CDH18: variants seen among roughly 807,000 people sequenced by gnomAD.
The protein encoded by CDH18 is cadherin 18, also known as cadherin-18.
In CDH18, 31 loss-of-function variants were observed where a neutral mutation model predicts 67.9. That is an observed-to-expected ratio of 0.46 (90% CI 0.34 to 0.62). The LOEUF is 0.62. CDH18 is among the 20% of genes least tolerant of loss of function. CDH18 has a pLI of 0.01. For synonymous variants in CDH18, 362 were observed against 347.2 expected (o/e 1.04, Z -0.48); for missense variants, 890 against 975.5 (o/e 0.91, Z 1.17).
At chr5:19,884,384 A>G (rs1267789177) in intron 2 of CDH18, among the ~76,000 whole-genome samples, 2 of 152,146 alleles carry the variant, frequency 1.3e-5, no homozygotes, top group Non-Finnish European at 2.9e-5. Flanking sequence ...AATTAGAAAT[A>G]TAGAAAAGTT....
intron 2 of CDH18, among the ~76,000 whole-genome samples, chr5:20,028,103 A>AT (rs560141098): frequency 0.013 from 1,851 of 144,326 alleles, 32 homozygotes; most frequent in African/African-American, 0.036. Flanking sequence ...ACAACTTTCT[A>AT]TTTTTTTTTT....
chr5:20,245,264 T>G (rs1187907615), intron 2 of CDH18, among the ~76,000 whole-genome samples: 2 of 152,274 alleles, frequency 1.3e-5, no homozygotes, highest in Non-Finnish European at 2.9e-5. Context: ...CATTCCAGTT[T>G]GAAGCGAGTG....
intron 6 of CDH18, among the ~76,000 whole-genome samples, chr5:19,607,645 T>A (rs1748272148): frequency 6.6e-6 from 1 of 151,318 alleles, no homozygotes; most frequent in Non-Finnish European, 1.5e-5. Flanking sequence ...ATTAAGATAC[T>A]TATAAGTGTA....
chr5:19,960,328 T>A (rs1234454672), intron 2 of CDH18, among the ~76,000 whole-genome samples: 1 of 151,984 alleles, frequency 6.6e-6, no homozygotes, highest in Non-Finnish European at 1.5e-5. Context: ...TCATTTGTTT[T>A]TACTTTTTAA....
At chr5:19,648,364 G>T (rs886236831) in intron 5 of CDH18, among the ~76,000 whole-genome samples, 6 of 151,966 alleles carry the variant, frequency 3.9e-5, no homozygotes, top group African/African-American at 1.5e-4. Context: ...ACAGTGAGCC[G>T]AGATCATGCC....
At chr5:19,747,816 A>C (rs1770229841) in intron 3 of CDH18, among the ~76,000 whole-genome samples, 1 of 151,906 alleles carries the variant, frequency 6.6e-6, no homozygotes, top group African/African-American at 2.4e-5. Context: ...ATTAAAAAAT[A>C]GAGTATTTTT....
intron 10 of CDH18, among the ~76,000 whole-genome samples, chr5:19,507,145 C>G (rs1579882684): frequency 6.6e-6 from 1 of 152,086 alleles, no homozygotes; most frequent in African/African-American, 2.4e-5. Flanking sequence ...CCAAAAGACA[C>G]ATGAAAAAAT....
chr5:20,075,849 A>G (rs1270206266), intron 2 of CDH18, among the ~76,000 whole-genome samples: 1 of 152,202 alleles, frequency 6.6e-6, no homozygotes, highest in East Asian at 1.9e-4. Flanking sequence ...CCTTATAAAC[A>G]TGCCATGTTC....
At chr5:19,818,383 C>G (rs1223549702) in intron 3 of CDH18, among the ~76,000 whole-genome samples, 1 of 152,014 alleles carries the variant, frequency 6.6e-6, no homozygotes, top group Non-Finnish European at 1.5e-5. Flanking sequence ...AAATTATACT[C>G]TTATTTACAA....
chr5:19,625,212 T>C (rs2150156562), intron 5 of CDH18, among the ~76,000 whole-genome samples: 1 of 152,310 alleles, frequency 6.6e-6, no homozygotes, highest in East Asian at 1.9e-4. Context: ...CCTATCCTTC[T>C]GAGAGATTAT....
At chr5:19,690,069 A>ATATATG (rs1421593930) in intron 5 of CDH18, among the ~76,000 whole-genome samples, 1 of 143,434 alleles carries the variant, frequency 7.0e-6, no homozygotes. Context: ...TGTATATATT[A>ATATATG]TATATGTGTG....
At chr5:19,754,076 CA>C (rs1260405307) in intron 3 of CDH18, among the ~76,000 whole-genome samples, 3 of 151,684 alleles carry the variant, frequency 2.0e-5, no homozygotes, top group Non-Finnish European at 4.4e-5. Flanking sequence ...ACTTAAAAAC[CA>C]AAAACAAAAC....
At chr5:20,280,661 T>A (rs1323959933) in intron 1 of CDH18, among the ~76,000 whole-genome samples, 1 of 152,238 alleles carries the variant, frequency 6.6e-6, no homozygotes, top group African/African-American at 2.4e-5. Context: ...AGTGCCACAA[T>A]AAACATATGT....
At chr5:19,877,238 A>G (rs1787115327) in intron 2 of CDH18, among the ~76,000 whole-genome samples, 1 of 152,132 alleles carries the variant, frequency 6.6e-6, no homozygotes, top group Non-Finnish European at 1.5e-5. Flanking sequence ...CCTATATTAA[A>G]TGTCGTAAAA....
intron 2 of CDH18, among the ~76,000 whole-genome samples, chr5:19,893,927 G>T (rs534747018): frequency 1.2e-3 from 178 of 152,166 alleles, no homozygotes; most frequent in African/African-American, 4.0e-3. Context: ...TAAACAAGCA[G>T]CATGTTCTAT....
intron 1 of CDH18, among the ~76,000 whole-genome samples, chr5:20,539,112 C>T (rs751637565): frequency 1.1e-4 from 16 of 152,022 alleles, no homozygotes; most frequent in Non-Finnish European, 1.9e-4. Context: ...TGGTCTCCAA[C>T]TTCTGACCTC....
At chr5:19,532,204 C>T (rs952343900) in intron 9 of CDH18, among the ~76,000 whole-genome samples, 1 of 151,830 alleles carries the variant, frequency 6.6e-6, no homozygotes, top group East Asian at 1.9e-4. Context: ...TTTTCTAATG[C>T]ATCATTCTAA....
intron 2 of CDH18, among the ~76,000 whole-genome samples, chr5:20,052,640 G>A (rs1362335440): frequency 6.6e-6 from 1 of 151,940 alleles, no homozygotes; most frequent in Non-Finnish European, 1.5e-5. Flanking sequence ...AGCTATTGAG[G>A]TGATTGGTAT....
intron 9 of CDH18, among the ~76,000 whole-genome samples, chr5:19,540,549 G>C (rs1750100156): frequency 1.3e-5 from 2 of 152,144 alleles, no homozygotes; most frequent in African/African-American, 2.4e-5. Flanking sequence ...GCAAACTTCT[G>C]TCTGGGTGTC....
Sources: gnomAD v4.1 joint callset for allele counts (sites outside exome capture counted in the v4.1 genomes callset) on GRCh38, gnomAD v4.1.1 for gene constraint, MANE v1.5 for transcripts, NCBI Gene and HGNC (gene_info 2026-07-23, HGNC 2026-07-21) for gene names.